Variants in TBC1D5 observed in about 807,000 individuals in gnomAD.
TBC1D5 encodes the protein TBC1 domain family, member 5.
Under a neutral mutation model 100.3 loss-of-function variants are expected in TBC1D5, and 75 were observed. The observed-to-expected ratio is 0.75, with a 90% confidence interval of 0.62 to 0.91. The LOEUF is 0.91. Among genes scored for constraint, TBC1D5 ranks in the 40% least tolerant of loss-of-function variants. TBC1D5 has a pLI of 0.00. For synonymous variants in TBC1D5, 323 were observed against 325.6 expected (o/e 0.99, Z 0.09); for missense variants, 910 against 942.4 (o/e 0.97, Z 0.45).
intron 15 of TBC1D5, among the ~76,000 whole-genome samples, chr3:17,268,640 G>A (rs952210618): frequency 1.7e-4 from 24 of 144,570 alleles, no homozygotes; most frequent in African/African-American, 6.4e-4. Flanking sequence ...AAAACTCTGT[G>A]AGTGTTATTA....
At chr3:17,490,698 G>A (rs1428358478) in intron 3 of TBC1D5, among the ~76,000 whole-genome samples, 2 of 152,156 alleles carry the variant, frequency 1.3e-5, no homozygotes, top group East Asian at 1.9e-4. Flanking sequence ...CCAGTACCAT[G>A]CTGTGTTGGT....
chr3:17,239,478 A>G (rs2076138706), intron 16 of TBC1D5, among the ~76,000 whole-genome samples: 1 of 151,884 alleles, frequency 6.6e-6, no homozygotes, highest in Non-Finnish European at 1.5e-5. Context: ...TTCTTCCTCT[A>G]CTTATAACAT....
intron 2 of TBC1D5, among the ~76,000 whole-genome samples, chr3:17,521,133 A>G (rs2096059418): frequency 6.6e-6 from 1 of 152,230 alleles, no homozygotes; most frequent in Admixed American, 6.5e-5. Context: ...AAAATCAAAT[A>G]TTCTGACAAG....
At chr3:17,525,604 G>A (rs1453565889) in intron 2 of TBC1D5, among the ~76,000 whole-genome samples, 4 of 151,896 alleles carry the variant, frequency 2.6e-5, no homozygotes, top group Admixed American at 2.6e-4. Context: ...AATCCATATT[G>A]GTGATTAAAT....
intron 2 of TBC1D5, among the ~76,000 whole-genome samples, chr3:17,532,032 G>A (rs568454942): frequency 2.2e-4 from 33 of 152,146 alleles, no homozygotes; most frequent in Middle Eastern, 3.4e-3. Flanking sequence ...AGAAACTACC[G>A]TCAGAGTGAA....
At chr3:17,612,772 TAA>T (rs1477036069) in intron 2 of TBC1D5, among the ~76,000 whole-genome samples, 3 of 146,358 alleles carry the variant, frequency 2.0e-5, no homozygotes, top group Non-Finnish European at 4.5e-5. Flanking sequence ...TAAAACTCAA[TAA>T]ACAAAAGAAT....
chr3:17,451,463 CAGTT>C (rs2094925629), intron 3 of TBC1D5, among the ~76,000 whole-genome samples: 1 of 152,088 alleles, frequency 6.6e-6, no homozygotes, highest in Non-Finnish European at 1.5e-5. Context: ...CATCTCATGT[CAGTT>C]AGAATGGTGA....
chr3:17,363,926 A>G (rs1170586426), intron 13 of TBC1D5, among the ~76,000 whole-genome samples: 1 of 151,950 alleles, frequency 6.6e-6, no homozygotes, highest in Non-Finnish European at 1.5e-5. Context: ...CAATTTAAAA[A>G]TCATAAGGAA....
intron 16 of TBC1D5, among the ~76,000 whole-genome samples, chr3:17,255,654 T>A (rs2077575252): frequency 6.6e-6 from 1 of 152,254 alleles, no homozygotes; most frequent in Non-Finnish European, 1.5e-5. Context: ...ATGTGTTGTA[T>A]AGTAAAATCC....
At chr3:17,605,253 T>A (rs529455873) in intron 2 of TBC1D5, among the ~76,000 whole-genome samples, 1 of 152,232 alleles carries the variant, frequency 6.6e-6, no homozygotes, top group South Asian at 2.1e-4. Flanking sequence ...TAAGCCACAA[T>A]AAGTATTAGT....
At chr3:17,170,657 C>T (rs1447556824) in intron 19 of TBC1D5, among the ~76,000 whole-genome samples, 2 of 152,080 alleles carry the variant, frequency 1.3e-5, no homozygotes, top group African/African-American at 4.8e-5. Context: ...AGTCTATGGG[C>T]ACACAGGGCA....
intron 16 of TBC1D5, among the ~76,000 whole-genome samples, chr3:17,243,657 T>C (rs2076494259): frequency 6.6e-6 from 1 of 152,124 alleles, no homozygotes; most frequent in Non-Finnish European, 1.5e-5. Flanking sequence ...CTTTTTATAA[T>C]TGCACATTAC....
chr3:17,446,209 A>G (rs977117338), intron 3 of TBC1D5, among the ~76,000 whole-genome samples: 2 of 152,166 alleles, frequency 1.3e-5, no homozygotes, highest in Non-Finnish European at 2.9e-5. Flanking sequence ...TATTTTAAGT[A>G]ATTTACCCCA....
At position 17,161,274 on chromosome 3, in the gene TBC1D5, A is replaced by T; in HGVS notation, c.2095-18T>A. On this transcript the variant is annotated intron_variant, in intron 21 of 21. Coordinates refer to ENST00000253692, the Ensembl canonical transcript of TBC1D5. Reference sequence around the variant, plus strand: ...GAAGAGGCCTGTGAAGTACAGTCAGAAGTACAGGTGGATGAAAGAAGAAAC... The same window carrying T: ...GAAGAGGCCTGTGAAGTACAGTCAGTAGTACAGGTGGATGAAAGAAGAAAC... The T allele has an allele frequency of 6.3e-7, 1 of 1,593,330 alleles. No individual in the cohort carries two copies. Among genetic ancestry groups the T allele is most frequent in the Non-Finnish European group, 8.6e-7 (1 of 1,168,940 alleles).
At chr3:17,287,454 C>A (rs17043301) in intron 15 of TBC1D5, among the ~76,000 whole-genome samples, 1 of 152,164 alleles carries the variant, frequency 6.6e-6, no homozygotes, top group African/African-American at 2.4e-5. Context: ...GCAGAACAGA[C>A]GCCAGGAATC....
intron 8 of TBC1D5, among the ~76,000 whole-genome samples, chr3:17,384,536 C>A (rs1298651965): frequency 2.0e-5 from 3 of 151,774 alleles, no homozygotes; most frequent in Non-Finnish European, 4.4e-5. Flanking sequence ...ACTGCAAGAA[C>A]CCAAAGAGAA....
At chr3:17,337,810 T>G (rs915964792) in intron 13 of TBC1D5, among the ~76,000 whole-genome samples, 2 of 152,142 alleles carry the variant, frequency 1.3e-5, no homozygotes, top group African/African-American at 4.8e-5. Context: ...AGTACCAAAA[T>G]GGATAGTTTG....
At chr3:17,186,506 C>T (rs1014414866) in intron 18 of TBC1D5, among the ~76,000 whole-genome samples, 1 of 151,506 alleles carries the variant, frequency 6.6e-6, no homozygotes, top group African/African-American at 2.4e-5. Context: ...GTCAGGAGTT[C>T]GAGACCAGCC....
intron 4 of TBC1D5, among the ~76,000 whole-genome samples, chr3:17,408,268 A>ACACACAC (rs2093826706): frequency 6.9e-6 from 1 of 144,012 alleles, no homozygotes; most frequent in Non-Finnish European, 1.5e-5. Flanking sequence ...AAGACTATCC[A>ACACACAC]ACACACACAC....
Sources: allele counts gnomAD v4.1 joint callset (sites outside exome capture counted in the v4.1 genomes callset), GRCh38; gene constraint gnomAD v4.1.1; transcripts MANE v1.5; gene names NCBI Gene and HGNC (gene_info 2026-07-23, HGNC 2026-07-21).